IL18RAP: variants seen among roughly 807,000 people sequenced by gnomAD.
IL18RAP encodes the protein interleukin-18 receptor accessory protein.
A neutral mutation model predicts 58.1 loss-of-function variants in IL18RAP; 37 were observed. The ratio of observed to expected loss-of-function variants is 0.64; its 90% CI spans 0.49 to 0.84. The LOEUF is 0.84. Among genes scored for constraint, IL18RAP ranks in the 40% least tolerant of loss-of-function variants. The probability of loss-of-function intolerance (pLI) is 0.00; values close to 1 mark genes in which losing one functional copy is unlikely to be tolerated. For missense variants in IL18RAP, 667 were observed against 704.8 expected (o/e 0.95, Z 0.61); for synonymous variants, 268 against 257.5 (o/e 1.04, Z -0.39).
At chr2:102,428,913 G>T (rs1682152410) in intron 3 of IL18RAP, among the ~76,000 whole-genome samples, 1 of 151,840 alleles carries the variant, frequency 6.6e-6, no homozygotes, top group Admixed American at 6.6e-5. Context: ...ATCATGAAGG[G>T]TGTTAGATTT....
At chr2:102,450,631 T>G (rs1405137101) in intron 8 of IL18RAP, among the ~76,000 whole-genome samples, 1 of 152,146 alleles carries the variant, frequency 6.6e-6, no homozygotes, top group Non-Finnish European at 1.5e-5. Flanking sequence ...TCAGTAAAAA[T>G]GCAAGACTGC....
At chr2:102,446,460 C>A (rs1413465095) in intron 7 of IL18RAP, among the ~76,000 whole-genome samples, 2 of 152,122 alleles carry the variant, frequency 1.3e-5, no homozygotes, top group East Asian at 1.9e-4. Context: ...CCCCTCCCAC[C>A]CTTCTCCCTC....
chr2:102,445,365 G>A lies in IL18RAP; in HGVS notation c.1072+25G>A, dbSNP rs1683352512. On this transcript the variant is annotated intron_variant, in intron 7 of 9. Coordinates refer to ENST00000687160, the MANE Select transcript of IL18RAP (RefSeq NM_001393487.1). ...GGTAAGCCCAGAAGGTTGCCCAGGA[G>A]GCATGAAACTGCTTTCACTTGAGAG... 3 of 1,608,742 alleles carry A rather than the reference G, an allele frequency of 1.9e-6. No homozygotes were observed. The South Asian group carries it at 3.3e-5, about 18-fold the overall frequency.
At chr2:102,432,647 T>C (rs1573276622) in intron 3 of IL18RAP, among the ~76,000 whole-genome samples, 1 of 152,102 alleles carries the variant, frequency 6.6e-6, no homozygotes, top group East Asian at 1.9e-4. Flanking sequence ...TGAGGCTTGA[T>C]TGGGTTGCCA....
In IL18RAP at chr2:102,452,077, G is replaced by C; in HGVS notation, c.1696G>C (p.Gly566Arg). Residue 566 changes from glycine to arginine, a missense_variant, in exon 10 of 10, where the codon GGA becomes CGA. By Grantham distance (125) the Gly-to-Arg change is moderately radical. Coordinates refer to ENST00000687160, the MANE Select transcript of IL18RAP (RefSeq NM_001393487.1). ...CCACATGCCTGTGAAAAACTCTCAGGGATTCACGTGGAACCAGCTCAGAAT... is the reference window on the plus strand; with the variant it reads ...CCACATGCCTGTGAAAAACTCTCAGCGATTCACGTGGAACCAGCTCAGAAT... ...RYHMPVKNSQ[G>R]FTWNQLRITS... is the part of the protein sequence containing the mutation. The C allele has an allele frequency of 6.2e-7, 1 of 1,614,080 alleles. No individual in the cohort carries two copies. Among genetic ancestry groups the C allele is most frequent in the Non-Finnish European group, 8.5e-7 (1 of 1,180,032 alleles).
In IL18RAP at chr2:102,423,895, A is replaced by G; in HGVS notation, c.155A>G (p.Gln52Arg). Residue 52 changes from glutamine (Q) to arginine (R), a missense_variant, in exon 2 of 10, where the codon CAG becomes CGG. Coordinates refer to ENST00000687160, the MANE Select transcript of IL18RAP (RefSeq NM_001393487.1). ...TTATTTTGTGATTTACCAGAGCCAC[A>G]GAAATCACATTTCTGCCACAGAAAT... ...FVLFCDLPEP[Q>R]KSHFCHRNRL... 6.2e-7 allele frequency: 1 copy of G among 1,613,946 alleles called. No homozygotes were observed. The highest frequency in any genetic ancestry group is 8.5e-7 in the Non-Finnish European group (1 of 1,179,892).
At chr2:102,448,530 G>A (rs1189845020) in intron 8 of IL18RAP, among the ~76,000 whole-genome samples, 1 of 152,136 alleles carries the variant, frequency 6.6e-6, no homozygotes, top group African/African-American at 2.4e-5. Context: ...CTTGGAAAAA[G>A]CAGAATCCCC....
At chr2:102,424,177 C>A (rs745991774) in intron 2 of IL18RAP, 42 bp downstream of exon 2, 2 of 1,606,310 alleles carry the variant, frequency 1.2e-6, no homozygotes, top group Non-Finnish European at 1.7e-6. Flanking sequence ...ATTTCCAAAT[C>A]CTCTATTATC....
At chr2:102,450,069 A>G (rs1313409968) in intron 8 of IL18RAP, among the ~76,000 whole-genome samples, 1 of 152,138 alleles carries the variant, frequency 6.6e-6, no homozygotes, top group Non-Finnish European at 1.5e-5. Context: ...CAATACTTTG[A>G]CAGGGATTGT....
chr2:102,419,385 T>C (rs1681433335), upstream of IL18RAP: 1 of 152,192 alleles, frequency 6.6e-6, no homozygotes, highest in African/African-American at 2.4e-5. Context: ...CGAGACCAAA[T>C]CTCTGTCTGC....
intron 3 of IL18RAP, among the ~76,000 whole-genome samples, chr2:102,431,607 C>A (rs945630754): frequency 6.6e-6 from 1 of 151,726 alleles, no homozygotes; most frequent in African/African-American, 2.4e-5. Flanking sequence ...TTTCTTTTTG[C>A]TCCTCTGACT....
Position 102,443,229 on chromosome 2 carries a change from C to T in IL18RAP, c.826C>T (p.Arg276Ter), listed in dbSNP as rs148553198. 19 of 1,613,156 alleles carry T rather than the reference C, an allele frequency of 1.2e-5. No homozygotes were observed. The highest frequency in any genetic ancestry group is 1.7e-5 in the Admixed American group (1 of 59,740). Residue 276 changes from arginine (R) to a stop codon, truncating the protein, a stop_gained, in exon 6 of 10, where the codon CGA becomes TGA. Coordinates refer to ENST00000687160, the MANE Select transcript of IL18RAP (RefSeq NM_001393487.1). LOFTEE classifies it high-confidence loss of function. ...GCCTTTAACTATTAGCTGCAAAGCA[C>T]GATTTGGCTTTGAAAGGGTCTTTAA... The part of the protein sequence containing the change: ...GKPLTISCKA[R>*]FGFERVFNPV...
upstream of IL18RAP, chr2:102,419,894 T>C (rs1295385881): frequency 6.6e-6 from 1 of 152,254 alleles, no homozygotes; most frequent in Non-Finnish European, 1.5e-5. Flanking sequence ...CCCGCTTCAC[T>C]TTACAGAAAG....
intron 3 of IL18RAP, among the ~76,000 whole-genome samples, chr2:102,436,838 T>C (rs1682779564): frequency 7.2e-6 from 1 of 139,260 alleles, no homozygotes; most frequent in Non-Finnish European, 1.6e-5. Context: ...TATATGTATG[T>C]ATACACACAC....
At chr2:102,442,388 A>G (rs866695915) in intron 5 of IL18RAP, among the ~76,000 whole-genome samples, 1 of 152,178 alleles carries the variant, frequency 6.6e-6, no homozygotes, top group South Asian at 2.1e-4. Context: ...GTTATGATAT[A>G]AGATCACTAG....
chr2:102,447,340 C>T, intron 8 of IL18RAP, 133 bp downstream of exon 8: 8 of 1,006,324 alleles, frequency 7.9e-6, no homozygotes, highest in Non-Finnish European at 1.0e-5. Flanking sequence ...CTTCAAATGT[C>T]CCCTGCCAGC....
upstream of IL18RAP, chr2:102,419,465 C>A (rs1681437440): frequency 6.6e-6 from 1 of 152,326 alleles, no homozygotes; most frequent in African/African-American, 2.4e-5. Context: ...GGTCTCAGAT[C>A]CCTGTTGACA....
chr2:102,451,086 T>TTTTTTGTCA, intron 9 of IL18RAP, 65 bp downstream of exon 9: 1 of 1,305,902 alleles, frequency 7.7e-7, no homozygotes. Flanking sequence ...TCCCCAAGTC[T>TTTTTTGTCA]TTTTTGTCAT....
At chr2:102,442,695 C>T (rs1031602413) in intron 5 of IL18RAP, among the ~76,000 whole-genome samples, 32 of 152,298 alleles carry the variant, frequency 2.1e-4, no homozygotes, top group African/African-American at 7.2e-4. Flanking sequence ...TCATAATATG[C>T]ATGCCCATCC....
Sources: allele counts gnomAD v4.1 joint callset (sites outside exome capture counted in the v4.1 genomes callset), GRCh38; gene constraint gnomAD v4.1.1; transcripts MANE v1.5; gene names NCBI Gene and HGNC (gene_info 2026-07-23, HGNC 2026-07-21).